AP4S1: variants seen among roughly 807,000 people sequenced by gnomAD.
AP4S1 encodes the protein adaptor related protein complex 4 subunit sigma 1.
AP4S1 carries 23 observed loss-of-function variants against 19.8 expected under a neutral mutation model. The observed-to-expected ratio is 1.16, with a 90% CI of 0.84 to 1.65. The LOEUF (loss-of-function observed/expected upper bound fraction) is 1.65, where lower values mean the gene tolerates loss of function less well. AP4S1 is among the 40% of genes most tolerant of loss of function. AP4S1 has a pLI of 0.00. For missense variants in AP4S1, 166 were observed against 172.8 expected, an observed-to-expected ratio of 0.96 and a Z score of 0.22; for synonymous variants, 46 against 54.1, an observed-to-expected ratio of 0.85 and a Z score of 0.66.
chr14:31,025,948 C>T, intron 1 of AP4S1, 161 bp downstream of exon 1: 1 of 1,597,438 alleles, frequency 6.3e-7, no homozygotes, highest in Non-Finnish European at 8.5e-7. Context: ...CGCTCCATCT[C>T]GAACCGAGCC....
At position 31,084,857 on chromosome 14, in the gene AP4S1, C is replaced by A. The variant is rs758028160; in HGVS notation, c.306+4273C>A. The A allele has an allele frequency of 1.3e-5, 21 of 1,614,096 alleles. No homozygotes were observed. Among genetic ancestry groups the A allele is most frequent in the Non-Finnish European group, 1.7e-5 (20 of 1,180,046 alleles). On this transcript the variant is annotated intron_variant, in intron 5 of 5. Transcript: ENST00000542754. ...CCAGACAGTTCATCATTCAAAGGAG[C>A]TGCCTCCACCACCCCCATCTACTGA...
intron 1 of AP4S1, among the ~76,000 whole-genome samples, chr14:31,052,934 ATTTTTTTTTT>A (rs1209280743): frequency 9.9e-6 from 1 of 101,240 alleles, no homozygotes; most frequent in South Asian, 3.2e-4. Context: ...AGTGTGCTAA[ATTTTTTTTTT>A]TTTTTTTTTT....
intron 5 of AP4S1, among the ~76,000 whole-genome samples, chr14:31,089,554 A>T (rs1450964157): frequency 6.6e-6 from 1 of 152,246 alleles, no homozygotes; most frequent in Non-Finnish European, 1.5e-5. Flanking sequence ...TTAAAGGATA[A>T]TTTGATTGCC....
At chr14:31,067,863 C>A (rs1265882084) in intron 2 of AP4S1, among the ~76,000 whole-genome samples, 2 of 150,536 alleles carry the variant, frequency 1.3e-5, no homozygotes. Context: ...CTAGCTCATA[C>A]CTTGAACACA....
chr14:31,026,150 C>T, intron 1 of AP4S1: 3 of 1,488,216 alleles, frequency 2.0e-6, no homozygotes, highest in Non-Finnish European at 2.7e-6. Flanking sequence ...CCGCCATCCC[C>T]GGGCCGCCAC....
intron 1 of AP4S1, among the ~76,000 whole-genome samples, chr14:31,056,027 TAG>T (rs1329704072): frequency 1.3e-5 from 2 of 151,830 alleles, no homozygotes; most frequent in African/African-American, 4.8e-5. Context: ...TTATTTTTAG[TAG>T]AGATGAAGTT....
chr14:31,041,633 A>G lies in AP4S1; in HGVS notation c.-72+15846A>G, dbSNP rs538908568. Reference sequence around the variant, plus strand: ...CCAGGCACAACAATCTCTGGTCCCCACTGCCTTTCTCTAAAATTAAGATAT... The same window carrying G: ...CCAGGCACAACAATCTCTGGTCCCCGCTGCCTTTCTCTAAAATTAAGATAT... On this transcript the variant is annotated intron_variant, in intron 1 of 5. Transcript: ENST00000542754. Among the ~76,000 whole-genome samples, 17 of 152,314 alleles carry G rather than the reference A, an allele frequency of 1.1e-4. No individual in the cohort carries two copies. In the East Asian group the frequency reaches 1.5e-3, roughly 14 times the overall value.
chr14:31,082,264 G>A (rs980356077), intron 5 of AP4S1, among the ~76,000 whole-genome samples: 3 of 152,118 alleles, frequency 2.0e-5, no homozygotes, highest in African/African-American at 7.2e-5. Flanking sequence ...TTAGCATGCT[G>A]AATAAAAATA....
At chr14:31,051,975 T>A (rs566421829) in intron 1 of AP4S1, among the ~76,000 whole-genome samples, 7 of 152,144 alleles carry the variant, frequency 4.6e-5, no homozygotes, top group Non-Finnish European at 8.8e-5. Flanking sequence ...TTCATTTTAA[T>A]AATTAAAAGA....
At chr14:31,025,384 G>C (rs1407119782), upstream of AP4S1, 1 of 168,256 alleles carries the variant, frequency 5.9e-6, no homozygotes, top group African/African-American at 2.4e-5. Context: ...GCCCAGGAAA[G>C]AAGCGTGGCT....
chr14:31,084,966 C>T (rs1367718692), intron 5 of AP4S1: 6 of 1,594,168 alleles, frequency 3.8e-6, no homozygotes, highest in South Asian at 1.1e-5. Flanking sequence ...CTGCTCTACG[C>T]GTGAAGGTAC....
upstream of AP4S1, chr14:31,025,348 G>A: frequency 6.3e-6 from 1 of 159,838 alleles, no homozygotes. Flanking sequence ...TCACAGGTCA[G>A]TCCCAAGTCA....
At chr14:31,066,000 A>G in intron 1 of AP4S1, 126 bp from the exon 2 acceptor site, 1 of 534,584 alleles carries the variant, frequency 1.9e-6, no homozygotes, top group South Asian at 2.2e-5. Flanking sequence ...TCATAGGAAT[A>G]AAGACTGATA....
intron 3 of AP4S1, among the ~76,000 whole-genome samples, chr14:31,071,932 G>C (rs200377524): frequency 9.6e-6 from 1 of 104,588 alleles, no homozygotes; most frequent in East Asian, 2.6e-4. Context: ...ATTTTTTTTG[G>C]GGGGGTGGGG....
chr14:31,036,606 G>A (rs192967935), intron 1 of AP4S1, among the ~76,000 whole-genome samples: 40 of 152,232 alleles, frequency 2.6e-4, no homozygotes, highest in African/African-American at 9.4e-4. Flanking sequence ...TCAGTGAAGG[G>A]CCTGTCCTGC....
chr14:31,085,544 CAGG>C (rs1464178728), intron 5 of AP4S1: 1 of 980,622 alleles, frequency 1.0e-6, no homozygotes, highest in African/African-American at 1.8e-5. Context: ...AGGGCTGAAG[CAGG>C]AGGATTGCTT....
intron 5 of AP4S1, chr14:31,085,533 G>A (rs1020201770): frequency 1.0e-6 from 1 of 984,114 alleles, no homozygotes; most frequent in Non-Finnish European, 1.2e-6. Flanking sequence ...CAGCACTTTG[G>A]AGGGCTGAAG....
At chr14:31,053,589 C>CTTTTTTTTTTTT (rs758966011) in intron 1 of AP4S1, among the ~76,000 whole-genome samples, 12 of 71,178 alleles carry the variant, frequency 1.7e-4, no homozygotes, top group African/African-American at 1.7e-4. Flanking sequence ...TGACTTTTTT[C>CTTTTTTTTTTTT]TTTTTTTTTT....
chr14:31,066,080 G>C, intron 1 of AP4S1, 46 bp from the exon 2 acceptor site: 1 of 924,750 alleles, frequency 1.1e-6, no homozygotes, highest in South Asian at 1.5e-5. Flanking sequence ...AATTATTTGA[G>C]AAATTTGATC....
Sources: gnomAD v4.1 joint callset for allele counts (sites outside exome capture counted in the v4.1 genomes callset) on GRCh38, gnomAD v4.1.1 for gene constraint, MANE v1.5 for transcripts, NCBI Gene and HGNC (gene_info 2026-07-23, HGNC 2026-07-21) for gene names.